The following ABCA1 variants were observed in gnomAD, a reference collection of about 807,000 sequenced individuals.
ABCA1 encodes phospholipid-transporting ATPase ABCA1.
In ABCA1, 133 loss-of-function variants were observed where a neutral mutation model predicts 262.5. The ratio of observed to expected loss-of-function variants is 0.51; its 90% CI spans 0.44 to 0.59. The LOEUF is 0.59. Among genes scored for constraint, ABCA1 ranks in the 20% least tolerant of loss-of-function variants. ABCA1 has a pLI of 0.00. For synonymous variants in ABCA1, 1,022 were observed against 1,043.5 expected (o/e 0.98, Z 0.40); for missense variants, 2,452 against 2,777.5 (o/e 0.88, Z 2.63).
Position 104,784,147 on chromosome 9 carries a change from T to C in ABCA1, c.*168A>G. Reference sequence around the variant, plus strand: ...CAAAGGCACTGCCCCTGTAATGGAATTTTGTTTTCATTGCATTGAATTGCA... The same window carrying C: ...CAAAGGCACTGCCCCTGTAATGGAACTTTGTTTTCATTGCATTGAATTGCA... On this transcript the variant is annotated 3_prime_UTR_variant, in exon 50 of 50. Transcript: ENST00000374736. The C allele has an allele frequency of 1.2e-6, 1 of 815,490 alleles. No individual in the cohort carries two copies. The allele number at this position is 815,490 out of a possible 1,614,324, so 50.5% of individuals were successfully genotyped here. A position where few individuals can be genotyped will look rare whatever the true frequency, so the allele number is the denominator to read the frequency against.
At chr9:104,898,038 T>A (rs1404866149) in intron 2 of ABCA1, among the ~76,000 whole-genome samples, 1 of 152,104 alleles carries the variant, frequency 6.6e-6, no homozygotes, top group Non-Finnish European at 1.5e-5. Flanking sequence ...AGCCTACACA[T>A]CAGAAATCAT....
At chr9:104,824,705 A>T (rs1588311803) in intron 17 of ABCA1, 127 bp from the exon 18 acceptor site, 4 of 1,158,890 alleles carry the variant, frequency 3.5e-6, no homozygotes, top group Non-Finnish European at 5.0e-6. Context: ...GGATGTGGGG[A>T]AAGAGGGAGC....
In ABCA1 at chr9:104,788,841, T is replaced by C. The variant is rs575850295; in HGVS notation, c.5928-274A>G. ...TCCCATTTCAGAATTTCTGAGGTCATGCCAACCACTGCACATTCTTTACCA... is the reference window on the plus strand; with the variant it reads ...TCCCATTTCAGAATTTCTGAGGTCACGCCAACCACTGCACATTCTTTACCA... On this transcript the variant is annotated intron_variant, in intron 44 of 49. Coordinates refer to ENST00000374736, the MANE Select transcript of ABCA1 (RefSeq NM_005502.4). Among the ~76,000 whole-genome samples the C allele has an allele frequency of 5.3e-5, 8 of 152,312 alleles. No individual in the cohort carries two copies. The East Asian group carries it at 1.5e-3, about 29-fold the overall frequency.
At chr9:104,825,273 G>T (rs1233253539) in intron 17 of ABCA1, among the ~76,000 whole-genome samples, 1 of 152,188 alleles carries the variant, frequency 6.6e-6, no homozygotes, top group African/African-American at 2.4e-5. Flanking sequence ...GGATTCGCCT[G>T]GGCTTATTGA....
intron 18 of ABCA1, 45 bp from the exon 19 acceptor site, chr9:104,822,712 A>C: frequency 6.2e-7 from 1 of 1,608,266 alleles, no homozygotes; most frequent in Non-Finnish European, 8.5e-7. Context: ...GAAAGCACTG[A>C]GGAGTGGAGT....
intron 2 of ABCA1, among the ~76,000 whole-genome samples, chr9:104,896,935 G>A (rs1840284750): frequency 6.6e-6 from 1 of 151,254 alleles, no homozygotes; most frequent in Admixed American, 6.6e-5. Flanking sequence ...TTGCTATGCT[G>A]CCCAGGCTGG....
In ABCA1 at chr9:104,884,525, A is replaced by G; in HGVS notation, c.204T>C (p.Pro68=). The G allele has an allele frequency of 6.2e-7, 1 of 1,614,236 alleles. No homozygotes were observed. The highest frequency in any genetic ancestry group is 8.5e-7 in the Non-Finnish European group (1 of 1,180,044). ...CATTACAGATAATCCCCTGAACCCA[A>G]GGAAGTGTTCCTGCAGAGGGCATGG... ...NKAMPSAGTL[P]WVQGIICNAN... Residue 68 remains proline (P), a synonymous_variant, in exon 4 of 50, where the codon CCT becomes CCC. Coordinates refer to ENST00000374736, the MANE Select transcript of ABCA1 (RefSeq NM_005502.4).
intron 5 of ABCA1, among the ~76,000 whole-genome samples, chr9:104,871,340 C>T (rs1045866366): frequency 2.0e-5 from 3 of 152,136 alleles, no homozygotes; most frequent in Non-Finnish European, 4.4e-5. Flanking sequence ...CTTCTAGCAG[C>T]AGAAACAGAA....
chr9:104,910,297 C>T (rs1396790862), intron 1 of ABCA1, among the ~76,000 whole-genome samples: 1 of 152,208 alleles, frequency 6.6e-6, no homozygotes, highest in Non-Finnish European at 1.5e-5. Flanking sequence ...ATTCCCACTA[C>T]ACCCCTGCTG....
At chr9:104,921,928 G>C (rs1842157323) in intron 1 of ABCA1, among the ~76,000 whole-genome samples, 1 of 152,196 alleles carries the variant, frequency 6.6e-6, no homozygotes, top group African/African-American at 2.4e-5. Flanking sequence ...AAGTCTAATG[G>C]AAGTAAAGAG....
At chr9:104,789,465 C>T (rs79848584) in intron 44 of ABCA1, among the ~76,000 whole-genome samples, 3,583 of 152,282 alleles carry the variant, frequency 0.024, 129 homozygotes, top group African/African-American at 0.082. Flanking sequence ...GAGAGGAGAT[C>T]ATGAATACAT....
Position 104,837,010 on chromosome 9 carries a change from C to T in ABCA1, c.1281G>A (p.Met427Ile), listed in dbSNP as rs562072933. 6.2e-7 allele frequency: 1 copy of T among 1,614,158 alleles called. No individual in the cohort carries two copies. Among genetic ancestry groups the T allele is most frequent in the South Asian group, 1.1e-5 (1 of 91,076 alleles). ...CAAGGTCCATTTCTTGGCTGTTCTC[C>T]ATGAAGGTCCAGATCTTGGGGCTGA... ...EELSPKIWTF[M>I]ENSQEMDLVR... Residue 427 changes from methionine to isoleucine, a missense_variant, in exon 11 of 50, where the codon ATG (methionine) becomes ATA (isoleucine). Met to Ile is a conservative substitution (Grantham distance 10, BLOSUM62 1). This residue lies in a region of ABCA1 where 1,032 missense variants were observed against 1,089.7 expected (regional missense o/e 0.95). Coordinates refer to ENST00000374736, the MANE Select transcript of ABCA1 (RefSeq NM_005502.4).
At chr9:104,889,054 AT>A in intron 3 of ABCA1, 47 bp downstream of exon 3, 1 of 1,547,316 alleles carries the variant, frequency 6.5e-7, no homozygotes. Context: ...AATTGCCTGG[AT>A]TTTCCCTGCC....
intron 7 of ABCA1, among the ~76,000 whole-genome samples, chr9:104,849,756 G>A (rs985019109): frequency 6.6e-6 from 1 of 152,126 alleles, no homozygotes. Flanking sequence ...ATAAGCCAAA[G>A]ACTAGAAGCA....
intron 1 of ABCA1, among the ~76,000 whole-genome samples, chr9:104,925,857 A>C (rs1212093446): frequency 6.6e-6 from 1 of 152,166 alleles, no homozygotes; most frequent in East Asian, 1.9e-4. Flanking sequence ...TGATACTCTC[A>C]ACAGAAACGG....
chr9:104,857,232 G>A (rs1835918209), intron 7 of ABCA1, among the ~76,000 whole-genome samples: 1 of 152,058 alleles, frequency 6.6e-6, no homozygotes, highest in South Asian at 2.1e-4. Flanking sequence ...AAGCCTGAGA[G>A]GCGGAGGTTG....
Position 104,819,938 on chromosome 9 carries a change from C to T in ABCA1, c.3092G>A (p.Ser1031Asn), listed in dbSNP as rs916288992. 1.7e-5 allele frequency: 28 copies of T among 1,613,518 alleles called. No individual in the cohort carries two copies. Among genetic ancestry groups the T allele is most frequent in the Non-Finnish European group, 2.4e-5 (28 of 1,179,980 alleles). The part of the protein sequence containing the change: ...LPSSKLKSKT[S>N]QLSGGMQRKL... The stretch of plus-strand genomic sequence containing the variant: ...GCTCTGGGCCGCACCTGACAGCTGG[C>T]TTGTTTTGCTTTTCAGCTTGCTTGA... The change falls in exon 21 of 50, where the codon AGC (serine) becomes AAC (asparagine). Residue 1031 changes from serine to asparagine, a missense_variant. Physicochemically the swap from Ser to Asn is conservative, Grantham distance 46 (BLOSUM62 1). Transcript: ENST00000374736.
intron 44 of ABCA1, among the ~76,000 whole-genome samples, chr9:104,789,976 A>G (rs573294594): frequency 1.3e-5 from 2 of 152,130 alleles, no homozygotes; most frequent in African/African-American, 4.8e-5. Context: ...GGCACCTGTA[A>G]TCTCAGCTAC....
At chr9:104,893,528 A>T (rs1839958515) in intron 2 of ABCA1, among the ~76,000 whole-genome samples, 1 of 151,942 alleles carries the variant, frequency 6.6e-6, no homozygotes, top group Admixed American at 6.6e-5. Flanking sequence ...AATAGCCATC[A>T]GCCTTGAAGC....
Sources: gnomAD v4.1 joint callset for allele counts (sites outside exome capture counted in the v4.1 genomes callset) on GRCh38, gnomAD v4.1.1 for gene constraint, gnomAD v4.1.1 regional missense constraint, MANE v1.5 for transcripts, NCBI Gene and HGNC (gene_info 2026-07-23, HGNC 2026-07-21) for gene names.